CREB1: variants seen among roughly 807,000 people sequenced by gnomAD.
CREB1 encodes cyclic AMP-responsive element-binding protein 1.
A neutral mutation model predicts 42.0 loss-of-function variants in CREB1; 2 were observed. The ratio of observed to expected loss-of-function variants is 0.05; its 90% confidence interval spans 0.02 to 0.15. CREB1 has a LOEUF of 0.15. Among genes scored for constraint, CREB1 ranks in the 10% least tolerant of loss-of-function variants. The pLI is 1.00. For missense variants in CREB1, 199 were observed against 388.9 expected, an observed-to-expected ratio of 0.51 and a Z score of 4.11; for synonymous variants, 123 against 139.9, an observed-to-expected ratio of 0.88 and a Z score of 0.85.
At position 207,603,796 on chromosome 2, in the gene CREB1, A is replaced by G. The variant is rs1240857225; in HGVS notation, c.*6738A>G. On this transcript the variant is annotated 3_prime_UTR_variant, in exon 8 of 8. Transcript: ENST00000353267. ...TGCAATTCTAAAACTCTGTGATCAT[A>G]TAAATTGGAAGGAAAGGGGAGGGGA... Among the ~76,000 whole-genome samples the G allele has an allele frequency of 6.6e-6, 1 of 152,212 alleles. No homozygotes were observed. The highest frequency in any genetic ancestry group is 2.4e-5 in the African/African-American group (1 of 41,450).
Position 207,601,907 on chromosome 2 carries a change from A to G in CREB1, c.*4849A>G. On this transcript the variant is annotated 3_prime_UTR_variant, in exon 8 of 8. Coordinates refer to ENST00000353267, the MANE Select transcript of CREB1 (RefSeq NM_004379.5). Reference sequence around the variant, plus strand: ...GAATATTCTTAATGTAATAATGTTGACTATTAAGTTGGCTACACAGTCACT... The same window carrying G: ...GAATATTCTTAATGTAATAATGTTGGCTATTAAGTTGGCTACACAGTCACT... The G allele has an allele frequency of 4.7e-6, 1 of 213,334 alleles. No individual in the cohort carries two copies. The highest frequency in any genetic ancestry group is 9.5e-6 in the Non-Finnish European group (1 of 105,468). The allele number at this position is 213,334 out of a possible 1,614,324, so 13.2% of individuals were successfully genotyped here.
chr2:207,580,922 T>TA (rs1221495821), intron 7 of CREB1: 3 of 217,650 alleles, frequency 1.4e-5, no homozygotes, highest in African/African-American at 4.5e-5. Flanking sequence ...TGGTGAACGT[T>TA]ACATCTACTC....
At chr2:207,574,627 A>G (rs766394949) in intron 5 of CREB1, among the ~76,000 whole-genome samples, 20 of 152,192 alleles carry the variant, frequency 1.3e-4, no homozygotes, top group Non-Finnish European at 2.5e-4. Context: ...TAGAAATGAC[A>G]GTTAAAGTTT....
At chr2:207,577,681 T>G (rs1328797724) in intron 7 of CREB1, 26 bp downstream of exon 7, 1 of 1,612,180 alleles carries the variant, frequency 6.2e-7, no homozygotes, top group Admixed American at 1.7e-5. Context: ...TTACTTAGAT[T>G]GTTATGTGTT....
At chr2:207,547,835 A>C (rs2081351993) in intron 1 of CREB1, among the ~76,000 whole-genome samples, 1 of 152,156 alleles carries the variant, frequency 6.6e-6, no homozygotes, top group Admixed American at 6.5e-5. Context: ...ACTTTAAGAA[A>C]GCACTACAGC....
intron 7 of CREB1, among the ~76,000 whole-genome samples, chr2:207,585,578 A>G (rs1053147403): frequency 1.3e-5 from 2 of 152,098 alleles, no homozygotes; most frequent in East Asian, 3.8e-4. Context: ...AACAGATCTC[A>G]AAGAACCAGG....
intron 7 of CREB1, among the ~76,000 whole-genome samples, chr2:207,589,165 C>T (rs2084490346): frequency 6.6e-6 from 1 of 152,238 alleles, no homozygotes; most frequent in South Asian, 2.1e-4. Flanking sequence ...TTTTCCAGTT[C>T]TATAAGATCA....
chr2:207,592,530 C>T (rs1308292218), intron 7 of CREB1, among the ~76,000 whole-genome samples: 1 of 152,076 alleles, frequency 6.6e-6, no homozygotes, highest in Non-Finnish European at 1.5e-5. Flanking sequence ...ATATAATATG[C>T]CTAGGGATTT....
chr2:207,595,829 A>G (rs1396933966), intron 7 of CREB1, among the ~76,000 whole-genome samples: 2 of 152,156 alleles, frequency 1.3e-5, no homozygotes, highest in Admixed American at 6.5e-5. Context: ...TCAGCCTCCC[A>G]AAGTGCTGGG....
chr2:207,546,733 AAAAAAC>A (rs1268781300), intron 1 of CREB1, among the ~76,000 whole-genome samples: 1 of 151,774 alleles, frequency 6.6e-6, no homozygotes, highest in Non-Finnish European at 1.5e-5. Flanking sequence ...TATATCAAAA[AAAAAAC>A]AAAAAACAAC....
intron 7 of CREB1, among the ~76,000 whole-genome samples, chr2:207,587,286 G>C (rs995396404): frequency 1.3e-5 from 2 of 151,714 alleles, no homozygotes; most frequent in African/African-American, 4.8e-5. Context: ...CCAGCTACTC[G>C]GGAGGCTGAG....
chr2:207,564,055 C>T (rs919470334), intron 3 of CREB1, among the ~76,000 whole-genome samples: 4 of 151,922 alleles, frequency 2.6e-5, no homozygotes, highest in East Asian at 3.9e-4. Context: ...AATATTTATG[C>T]TTATCATATC....
chr2:207,588,588 G>GTGTCA, intron 7 of CREB1, among the ~76,000 whole-genome samples: 1 of 152,206 alleles, frequency 6.6e-6, no homozygotes, highest in East Asian at 1.9e-4. Context: ...GGATTGTGTT[G>GTGTCA]TGTCTATAGA....
rs1195631581 is a variant in CREB1 at position 207,601,061 on chromosome 2, G to A, written c.*4003G>A. Reference sequence around the variant, plus strand: ...TAGGGCTAATGTATCTTAAAGTTAAGATCTTGAATTAAAGTGAGTTTTAGA... The same window carrying A: ...TAGGGCTAATGTATCTTAAAGTTAAAATCTTGAATTAAAGTGAGTTTTAGA... On this transcript the variant is annotated 3_prime_UTR_variant, in exon 8 of 8. Transcript: ENST00000353267. 2.1e-5 allele frequency: 4 copies of A among 187,892 alleles called. No individual in the cohort carries two copies. The East Asian group carries it at 3.4e-4, about 16-fold the overall frequency. The allele number at this position is 187,892 out of a possible 1,614,324, so 11.6% of individuals were successfully genotyped here.
rs564365195 is a variant in CREB1, at chr2:207,577,558, A to G, written c.742A>G (p.Ile248Val). 14 of 1,613,888 alleles carry G rather than the reference A, an allele frequency of 8.7e-6. No homozygotes were observed. In the Middle Eastern group the frequency reaches 4.9e-4, roughly 57 times the overall value. The change falls in exon 7 of 8, where the codon ATT (isoleucine) becomes GTT (valine). Residue 248 changes from isoleucine (I) to valine (V), a missense_variant. This residue lies in a region of CREB1 where 66 missense variants were observed against 88.1 expected (regional missense o/e 0.75). Transcript: ENST00000353267. ...YQIRTAPTST[I>V]APGVVMASSP... ...GATTCGCACAGCACCCACTAGCACTATTGCCCCTGGAGTTGTTATGGCATC... is the reference window on the plus strand; with the variant it reads ...GATTCGCACAGCACCCACTAGCACTGTTGCCCCTGGAGTTGTTATGGCATC...
chr2:207,582,050 A>G (rs148587766), intron 7 of CREB1: 15 of 700,594 alleles, frequency 2.1e-5, no homozygotes, highest in Middle Eastern at 2.3e-4. Flanking sequence ...AATTGGCGAT[A>G]TTAACTTTGA....
At chr2:207,548,520 G>A (rs565029079) in intron 1 of CREB1, among the ~76,000 whole-genome samples, 13 of 152,258 alleles carry the variant, frequency 8.5e-5, no homozygotes, top group African/African-American at 3.1e-4. Context: ...GGAGGCTGAT[G>A]CGGGTAGATC....
intron 1 of CREB1, among the ~76,000 whole-genome samples, chr2:207,541,360 C>A (rs1435274211): frequency 1.3e-5 from 2 of 152,144 alleles, no homozygotes; most frequent in African/African-American, 4.8e-5. Context: ...TGATAAGCAC[C>A]CTGTACAGAT....
intron 3 of CREB1, 45 bp from the exon 4 acceptor site, chr2:207,567,418 G>A (rs2082181701): frequency 7.3e-7 from 1 of 1,372,308 alleles, no homozygotes; most frequent in Admixed American, 1.9e-5. Context: ...AAATTTTACA[G>A]GAACTAAATT....
Sources: allele counts gnomAD v4.1 joint callset (sites outside exome capture counted in the v4.1 genomes callset), GRCh38; gene constraint gnomAD v4.1.1; regional missense constraint gnomAD v4.1.1; transcripts MANE v1.5; gene names NCBI Gene and HGNC (gene_info 2026-07-23, HGNC 2026-07-21).